YIPF3: variants seen among roughly 807,000 people sequenced by gnomAD.
The protein encoded by YIPF3 is Yip1 domain family member 3.
A neutral mutation model predicts 40.3 loss-of-function variants in YIPF3; 18 were observed. The observed-to-expected ratio is 0.45, with a 90% CI of 0.31 to 0.66. YIPF3 has a LOEUF of 0.66. Among genes scored for constraint, YIPF3 ranks in the 30% least tolerant of loss-of-function variants. YIPF3 has a pLI of 0.07. For synonymous variants in YIPF3, 190 were observed against 179.6 expected (o/e 1.06, Z -0.46); for missense variants, 406 against 452.2 (o/e 0.90, Z 0.93).
chr6:43,512,520 A>G lies in YIPF3; in HGVS notation c.824T>C (p.Leu275Pro). Residue 275 changes from leucine (L) to proline (P), a missense_variant, in exon 8 of 9, where the codon CTG becomes CCG. Leu to Pro is a moderately conservative substitution (Grantham distance 98). Transcript: ENST00000372422. ...VSRTVGPTQR[L>P]LLCGTLAALH... ...GGCAGCCAGGGTGCCACAGAGGAGC[A>G]GCCGCTGTGTGGGGCCCACGGTCCG... 6.2e-7 allele frequency: 1 copy of G among 1,613,112 alleles called. No individual in the cohort carries two copies. The highest frequency in any genetic ancestry group is 8.5e-7 in the Non-Finnish European group (1 of 1,179,966).
At position 43,515,613 on chromosome 6, in the gene YIPF3, G is replaced by A. The variant is rs1177930972; in HGVS notation, c.377C>T (p.Pro126Leu). The A allele has an allele frequency of 6.2e-7, 1 of 1,613,406 alleles. No individual in the cohort carries two copies. Among genetic ancestry groups the A allele is most frequent in the Non-Finnish European group, 8.5e-7 (1 of 1,180,038 alleles). The change falls in exon 3 of 9, where the codon CCT becomes CTT. Residue 126 changes from proline (P) to leucine (L), a missense_variant. Pro to Leu is a moderately conservative substitution (Grantham distance 98). Transcript: ENST00000372422. ...TCCTCACCTGCTTCGCACCTGAGCA[G>A]GCTCCACATCAAAGTAGGGTCTGAG... ...DILRPYFDVEPAQVRSRLLES... is the reference protein window; with the variant it reads ...DILRPYFDVELAQVRSRLLES...
chr6:43,514,185 G>GAA (rs1792728569), intron 3 of YIPF3, among the ~76,000 whole-genome samples: 1 of 152,212 alleles, frequency 6.6e-6, no homozygotes, highest in African/African-American at 2.4e-5. Context: ...AGGTTGCAGT[G>GAA]AACCGAGATC....
In YIPF3 at chr6:43,515,917, C is replaced by T; in HGVS notation, c.260G>A (p.Gly87Glu). 1 of 1,609,110 alleles carries T rather than the reference C, an allele frequency of 6.2e-7. No individual in the cohort carries two copies. The highest frequency in any genetic ancestry group is 1.1e-5 in the South Asian group (1 of 90,636). ...GEFLGMKGFKGQLSRQVADQM... is the reference protein window; with the variant it reads ...GEFLGMKGFKEQLSRQVADQM... ...ATCTGCCACCTGCCGGCTCAGCTGTCCCTTAAAGCCCTTCATGCCCAGGAA... is the reference window on the plus strand; with the variant it reads ...ATCTGCCACCTGCCGGCTCAGCTGTTCCTTAAAGCCCTTCATGCCCAGGAA... The change falls in exon 2 of 9, where the codon GGA becomes GAA. Residue 87 changes from glycine to glutamate, a missense_variant. By Grantham distance (98) the Gly-to-Glu change is moderately conservative. Transcript: ENST00000372422.
rs1421667539 is a variant in YIPF3 at position 43,515,704 on chromosome 6, G to T, written c.289-3C>A. ...TGTCTTTTCCCAGCCTGCCACATCT[G>T]AAGTAAGGAAGATGGGCATAGGTAT... On this transcript the variant is annotated splice_region_variant and splice_polypyrimidine_tract_variant and intron_variant, in intron 2 of 8. Coordinates refer to ENST00000372422, the MANE Select transcript of YIPF3 (RefSeq NM_015388.4). 6.2e-7 allele frequency: 1 copy of T among 1,614,092 alleles called. No homozygotes were observed. Among genetic ancestry groups the T allele is most frequent in the Non-Finnish European group, 8.5e-7 (1 of 1,179,964 alleles).
intron 3 of YIPF3, 186 bp downstream of exon 3, chr6:43,515,409 T>C: frequency 1.4e-6 from 1 of 691,100 alleles, no homozygotes; most frequent in East Asian, 2.8e-5. Flanking sequence ...GAGTAGTCAG[T>C]TAGATGGAAA....
chr6:43,512,905 AT>A, intron 6 of YIPF3, 31 bp from the exon 7 acceptor site: 1 of 1,607,734 alleles, frequency 6.2e-7, no homozygotes, highest in Non-Finnish European at 8.5e-7. Context: ...GAGGAAAATC[AT>A]TCAGGTTGGG....
In YIPF3 at chr6:43,515,587, C is replaced by T; in HGVS notation, c.395+8G>A. 2 of 1,613,114 alleles carry T rather than the reference C, an allele frequency of 1.2e-6. No individual in the cohort carries two copies. Among genetic ancestry groups the T allele is most frequent in the Non-Finnish European group, 1.7e-6 (2 of 1,179,968 alleles). On this transcript the variant is annotated splice_region_variant and intron_variant, in intron 3 of 8. Coordinates refer to ENST00000372422, the MANE Select transcript of YIPF3 (RefSeq NM_015388.4). The stretch of plus-strand genomic sequence containing the variant: ...GGAGGGAAGCTTCTTCAAGAGAAGG[C>T]TCCTCACCTGCTTCGCACCTGAGCA...
chr6:43,516,593 A>G, intron 1 of YIPF3, 134 bp downstream of exon 1: 2 of 1,023,976 alleles, frequency 2.0e-6, no homozygotes, highest in South Asian at 1.5e-5. Flanking sequence ...CACTGACTTT[A>G]GTGTGCACGA....
chr6:43,516,006 C>A lies in YIPF3; in HGVS notation c.171G>T (p.Leu57=), dbSNP rs1295843468. The A allele has an allele frequency of 1.2e-6, 2 of 1,614,146 alleles. No homozygotes were observed. The highest frequency in any genetic ancestry group is 2.7e-5 in the African/African-American group (2 of 74,956). Residue 57 remains leucine (L), a synonymous_variant, in exon 2 of 9, where the codon CTG becomes CTT. Transcript: ENST00000372422. ...CATCAGCGTCTACTTCTTCCTCGCG[C>A]AGGCGCTGATGCAGCTCACCCATAT... ...FEDMGELHQR[L]REEEVDADAA... is the part of the protein sequence containing the mutation.
rs1792700105 is a variant in YIPF3, at chr6:43,512,807, A to C, written c.734T>G (p.Phe245Cys). 6.2e-7 allele frequency: 1 copy of C among 1,613,946 alleles called. No individual in the cohort carries two copies. The change falls in exon 7 of 9, where the codon TTC becomes TGC. Residue 245 changes from phenylalanine (F) to cysteine (C), a missense_variant. Phe to Cys is a radical substitution (Grantham distance 205). Transcript: ENST00000372422. ...ACCCACCAACAGCCAGAAGAGGTAGAAGAGGGCGTGGAGGTGGATATTATA... is the reference window on the plus strand; with the variant it reads ...ACCCACCAACAGCCAGAAGAGGTAGCAGAGGGCGTGGAGGTGGATATTATA... ...ITYNIHLHAL[F>C]YLFWLLVGGL...
rs781235747 is a variant in YIPF3, at chr6:43,512,490, T to G, written c.854A>C (p.His285Pro). The G allele has an allele frequency of 6.2e-7, 1 of 1,613,852 alleles. No homozygotes were observed. Among genetic ancestry groups the G allele is most frequent in the Non-Finnish European group, 8.5e-7 (1 of 1,180,010 alleles). The change falls in exon 8 of 9, where the codon CAC (histidine) becomes CCC (proline). Residue 285 changes from histidine (H) to proline (P), a missense_variant. Physicochemically the swap from His to Pro is moderately conservative, Grantham distance 77 (BLOSUM62 -2). Transcript: ENST00000372422. ...LLLCGTLAAL[H>P]MLFLLYLHFA... Reference sequence around the variant, plus strand: ...ATGCAGATAGAGCAGGAAGAGCATGTGTAGGGCAGCCAGGGTGCCACAGAG... The same window carrying G: ...ATGCAGATAGAGCAGGAAGAGCATGGGTAGGGCAGCCAGGGTGCCACAGAG...
chr6:43,513,398 A>G lies in YIPF3; in HGVS notation c.495T>C (p.Ala165=). ...ACGTCTTCATCCCATGGAGTAGGATAGCAACCAGAGTGAAGACCAGCATGA... is the reference window on the plus strand; with the variant it reads ...ACGTCTTCATCCCATGGAGTAGGATGGCAACCAGAGTGAAGACCAGCATGA... ...GPLMLVFTLV[A]ILLHGMKTSD... Residue 165 remains alanine, a synonymous_variant, in exon 5 of 9, where the codon GCT becomes GCC. Coordinates refer to ENST00000372422, the MANE Select transcript of YIPF3 (RefSeq NM_015388.4). 6.2e-7 allele frequency: 1 copy of G among 1,614,234 alleles called. No homozygotes were observed. The highest frequency in any genetic ancestry group is 8.5e-7 in the Non-Finnish European group (1 of 1,180,036).
In YIPF3 at chr6:43,512,672, G is replaced by T. The variant is rs567315520; in HGVS notation, c.780+89C>A. On this transcript the variant is annotated intron_variant, in intron 7 of 8. Transcript: ENST00000372422. ...TCTTTGGGCTCTTCCCTCCCATTTA[G>T]GGCTCTTTGTGAGATGGACAGCTCC... is the stretch of plus-strand genomic sequence containing the variant. 670 of 1,549,990 alleles carry T rather than the reference G, an allele frequency of 4.3e-4. 2 individuals are homozygous for T. Among genetic ancestry groups the T allele is most frequent in the Middle Eastern group, 9.4e-4 (4 of 4,252 alleles).
intron 6 of YIPF3, 91 bp from the exon 7 acceptor site, chr6:43,512,965 G>A: frequency 6.3e-7 from 1 of 1,591,624 alleles, no homozygotes; most frequent in Non-Finnish European, 8.6e-7. Context: ...TGGTCCATTG[G>A]CCTACTCCTC....
intron 5 of YIPF3, 48 bp from the exon 6 acceptor site, chr6:43,513,248 C>T (rs775734624): frequency 1.9e-6 from 3 of 1,613,468 alleles, no homozygotes; most frequent in Admixed American, 1.7e-5. Context: ...CTGATCTCAG[C>T]CTCACCTAGG....
rs1582171750 is a variant in YIPF3, at chr6:43,512,638, G to C, written c.781-75C>G. 3.2e-6 allele frequency: 5 copies of C among 1,547,196 alleles called. No individual in the cohort carries two copies. The East Asian group carries it at 1.2e-4, about 36-fold the overall frequency. ...TGGGGACAAGACACCCCCACCCAGG[G>C]CAGAACCATCTTTGGGCTCTTCCCT... is the stretch of plus-strand genomic sequence containing the variant. On this transcript the variant is annotated intron_variant, in intron 7 of 8. Coordinates refer to ENST00000372422, the MANE Select transcript of YIPF3 (RefSeq NM_015388.4).
At chr6:43,515,487 G>A in intron 3 of YIPF3, 108 bp downstream of exon 3, 1 of 1,021,322 alleles carries the variant, frequency 9.8e-7, no homozygotes, top group East Asian at 2.4e-5. Context: ...AGGTGATGGG[G>A]TCATGAAGAC....
rs1348967058 is a variant in YIPF3, at chr6:43,516,845, C to G, written c.-38G>C. On this transcript the variant is annotated 5_prime_UTR_variant, in exon 1 of 9. Transcript: ENST00000372422. ...CTCCCGTCGCTGAAACCCGCGCTAG[C>G]CCCGCGCGCGGAGTGGGCAAGATGT... is the stretch of plus-strand genomic sequence containing the variant. 9.7e-6 allele frequency: 15 copies of G among 1,553,776 alleles called. No individual in the cohort carries two copies. The highest frequency in any genetic ancestry group is 1.3e-5 in the Non-Finnish European group (15 of 1,147,794).
Position 43,516,855 on chromosome 6 carries a change from G to A in YIPF3, c.-48C>T, listed in dbSNP as rs1792853997. On this transcript the variant is annotated 5_prime_UTR_variant, in exon 1 of 9. Coordinates refer to ENST00000372422, the MANE Select transcript of YIPF3 (RefSeq NM_015388.4). ...TGAAACCCGCGCTAGCCCCGCGCGC[G>A]GAGTGGGCAAGATGTGGGCCTCCGG... 6.5e-7 allele frequency: 1 copy of A among 1,549,956 alleles called. No homozygotes were observed. The highest frequency in any genetic ancestry group is 1.4e-5 in the African/African-American group (1 of 73,040).
Sources: gnomAD v4.1 joint callset for allele counts (sites outside exome capture counted in the v4.1 genomes callset) on GRCh38, gnomAD v4.1.1 for gene constraint, MANE v1.5 for transcripts, NCBI Gene and HGNC (gene_info 2026-07-23, HGNC 2026-07-21) for gene names.